MALRD1: variants seen among roughly 807,000 people sequenced by gnomAD.
MALRD1 encodes the protein MAM and LDL-receptor class A domain-containing protein 1.
MALRD1 carries 247 observed loss-of-function variants against 242.1 expected under a neutral mutation model. That is an observed-to-expected ratio of 1.02 (90% CI 0.92 to 1.13). MALRD1 has a LOEUF of 1.13. MALRD1 is among the 50% of genes most tolerant of loss of function. The pLI is 0.00. For synonymous variants in MALRD1, 995 were observed against 866.6 expected, an observed-to-expected ratio of 1.15 and a Z score of -2.60; for missense variants, 2,989 against 2,533.1, an observed-to-expected ratio of 1.18 and a Z score of -3.86.
At chr10:19,450,816 A>T (rs992545836) in intron 29 of MALRD1, among the ~76,000 whole-genome samples, 4 of 152,138 alleles carry the variant, frequency 2.6e-5, no homozygotes, top group Non-Finnish European at 5.9e-5. Context: ...TTGCTGGTTA[A>T]TAGATGGCAC....
chr10:19,502,039 AAG>A (rs1838001936), intron 31 of MALRD1, among the ~76,000 whole-genome samples: 1 of 151,188 alleles, frequency 6.6e-6, no homozygotes, highest in African/African-American at 2.4e-5. Context: ...AAGAAAAGAA[AAG>A]AAAAGAAAAG....
At chr10:19,365,779 G>C (rs1160579654) in intron 26 of MALRD1, among the ~76,000 whole-genome samples, 4 of 150,730 alleles carry the variant, frequency 2.7e-5, no homozygotes, top group African/African-American at 9.8e-5. Context: ...TTTCATTCTG[G>C]TATACAATAC....
At chr10:19,499,561 G>A (rs1216672133) in intron 31 of MALRD1, among the ~76,000 whole-genome samples, 1 of 152,080 alleles carries the variant, frequency 6.6e-6, no homozygotes, top group African/African-American at 2.4e-5. Context: ...CCACCCTGCA[G>A]ATATTGGACT....
chr10:19,719,244 A>ATATATGTGTG (rs1554830474), intron 38 of MALRD1, among the ~76,000 whole-genome samples: 1 of 96,936 alleles, frequency 1.0e-5, no homozygotes, highest in Non-Finnish European at 1.9e-5. Flanking sequence ...ATATATATAT[A>ATATATGTGTG]TATATATATA....
intron 5 of MALRD1, among the ~76,000 whole-genome samples, chr10:19,107,340 T>G (rs1254080087): frequency 6.6e-6 from 1 of 151,972 alleles, no homozygotes; most frequent in Non-Finnish European, 1.5e-5. Context: ...TACAAGTATT[T>G]TATCCTTTTT....
At chr10:19,404,465 C>A (rs1306324896) in intron 28 of MALRD1, among the ~76,000 whole-genome samples, 4 of 152,022 alleles carry the variant, frequency 2.6e-5, no homozygotes, top group Admixed American at 6.6e-5. Context: ...ATGTATGTTG[C>A]TCCCTTGAAA....
intron 20 of MALRD1, among the ~76,000 whole-genome samples, chr10:19,282,432 G>A (rs1564526944): frequency 6.6e-6 from 1 of 152,192 alleles, no homozygotes; most frequent in South Asian, 2.1e-4. Flanking sequence ...TTTTTATTCA[G>A]CAGTGGAAGA....
At chr10:19,416,644 T>C (rs1354739979) in intron 28 of MALRD1, among the ~76,000 whole-genome samples, 4 of 152,204 alleles carry the variant, frequency 2.6e-5, no homozygotes, top group African/African-American at 9.6e-5. Context: ...CTCTATTTAC[T>C]ATCCAGCTAT....
intron 29 of MALRD1, 62 bp downstream of exon 29, chr10:19,450,552 G>A (rs951582972): frequency 2.2e-6 from 3 of 1,379,026 alleles, no homozygotes; most frequent in Non-Finnish European, 2.9e-6. Context: ...TTTTATTTTT[G>A]TTACACAAGT....
intron 21 of MALRD1, among the ~76,000 whole-genome samples, chr10:19,318,974 TACAC>T (rs5783665): frequency 0.035 from 5,141 of 148,484 alleles, 185 homozygotes; most frequent in African/African-American, 0.094. Flanking sequence ...TACACAGACA[TACAC>T]ACACACACAC....
intron 14 of MALRD1, among the ~76,000 whole-genome samples, chr10:19,182,455 T>C (rs36058528): frequency 2.7e-5 from 4 of 149,664 alleles, no homozygotes; most frequent in Admixed American, 6.7e-5. Flanking sequence ...CTCCCGAGTA[T>C]CTGGGACAGC....
intron 13 of MALRD1, among the ~76,000 whole-genome samples, chr10:19,166,183 G>T (rs2131507751): frequency 6.6e-6 from 1 of 152,320 alleles, no homozygotes; most frequent in African/African-American, 2.4e-5. Context: ...GAAGACGTTG[G>T]ATTATATGAT....
chr10:19,622,819 A>C (rs1296591963), intron 36 of MALRD1, among the ~76,000 whole-genome samples: 1 of 151,992 alleles, frequency 6.6e-6, no homozygotes, highest in Non-Finnish European at 1.5e-5. Context: ...TTGACATTTC[A>C]GACTAGCAGA....
At chr10:19,648,267 T>C (rs896675154) in intron 36 of MALRD1, among the ~76,000 whole-genome samples, 4 of 152,202 alleles carry the variant, frequency 2.6e-5, no homozygotes, top group Admixed American at 2.0e-4. Context: ...TTAGCATCAC[T>C]GGTATTCATT....
chr10:19,435,176 C>A (rs757985232), intron 28 of MALRD1, among the ~76,000 whole-genome samples: 3 of 150,904 alleles, frequency 2.0e-5, no homozygotes, highest in South Asian at 4.2e-4. Flanking sequence ...ATAGAGAGAG[C>A]AGCTTTGCAG....
chr10:19,169,191 C>T (rs1458720604), intron 13 of MALRD1, among the ~76,000 whole-genome samples: 1 of 151,940 alleles, frequency 6.6e-6, no homozygotes, highest in African/African-American at 2.4e-5. Context: ...CAGAGGGTGT[C>T]GTGTAATAAA....
chr10:19,412,126 CT>C, intron 28 of MALRD1, among the ~76,000 whole-genome samples: 1 of 152,196 alleles, frequency 6.6e-6, no homozygotes, highest in South Asian at 2.1e-4. Context: ...TGGTGAAACC[CT>C]GTCTCTACTA....
chr10:19,155,222 C>T, intron 12 of MALRD1, 50 bp downstream of exon 12: 1 of 1,078,280 alleles, frequency 9.3e-7, no homozygotes, highest in Non-Finnish European at 1.2e-6. Flanking sequence ...TTGTAAATCG[C>T]TGAGCTTGGG....
At chr10:19,137,466 C>T (rs1297380798) in intron 10 of MALRD1, among the ~76,000 whole-genome samples, 3 of 151,760 alleles carry the variant, frequency 2.0e-5, no homozygotes, top group Non-Finnish European at 4.4e-5. Flanking sequence ...ATTAGCCAGG[C>T]GTGGTGGTGG....
Sources: allele counts gnomAD v4.1 joint callset (sites outside exome capture counted in the v4.1 genomes callset), GRCh38; gene constraint gnomAD v4.1.1; transcripts MANE v1.5; gene names NCBI Gene and HGNC (gene_info 2026-07-23, HGNC 2026-07-21).